The following RHOBTB1 variants were observed in gnomAD, a reference collection of about 807,000 sequenced individuals.
RHOBTB1 encodes the protein rho-related BTB domain-containing protein 1.
A neutral mutation model predicts 71.6 loss-of-function variants in RHOBTB1; 40 were observed. The observed-to-expected ratio is 0.56, with a 90% confidence interval of 0.43 to 0.73. The LOEUF (loss-of-function observed/expected upper bound fraction) is 0.73. RHOBTB1 is among the 30% of genes least tolerant of loss of function. The pLI, the probability that RHOBTB1 is intolerant of heterozygous loss-of-function variation, is 0.00. For missense variants in RHOBTB1, 797 were observed against 894.0 expected (o/e 0.89, Z 1.38); for synonymous variants, 319 against 334.9 (o/e 0.95, Z 0.52).
chr10:60,871,463 G>GTTTTTTTTT lies in RHOBTB1; in HGVS notation c.*18_*19insAAAAAAAAA. 1 of 1,604,960 alleles carries GTTTTTTTTT rather than the reference G, an allele frequency of 6.2e-7. No individual in the cohort carries two copies. The highest frequency in any genetic ancestry group is 1.3e-5 in the African/African-American group (1 of 74,192). Reference sequence around the variant, plus strand: ...GATTACCGATTGGTTTCTGTTTTTTGTTTTTTTTCTCTTCCTCTTCAGGCC... The same window carrying GTTTTTTTTT: ...GATTACCGATTGGTTTCTGTTTTTTGTTTTTTTTTTTTTTTTTCTCTTCCTCTTCAGGCC... On this transcript the variant is annotated 3_prime_UTR_variant, in exon 11 of 11. Transcript: ENST00000337910.
chr10:60,941,419 G>T (rs1485168599), intron 2 of RHOBTB1, among the ~76,000 whole-genome samples: 1 of 151,910 alleles, frequency 6.6e-6, no homozygotes, highest in Non-Finnish European at 1.5e-5. Flanking sequence ...CGTGATTCAT[G>T]CTCAATAAGT....
intron 2 of RHOBTB1, among the ~76,000 whole-genome samples, chr10:60,934,925 C>T (rs2084484451): frequency 1.3e-5 from 2 of 152,114 alleles, no homozygotes; most frequent in African/African-American, 4.8e-5. Flanking sequence ...CAGCCGTGGG[C>T]ATGTTATATG....
chr10:60,901,290 A>C (rs1465017203), intron 4 of RHOBTB1, among the ~76,000 whole-genome samples: 1 of 152,224 alleles, frequency 6.6e-6, no homozygotes, highest in African/African-American at 2.4e-5. Flanking sequence ...TTGAAAGTCT[A>C]ATCATGGCAA....
At chr10:60,861,522 T>C in the RHOBTB1 span, among the ~76,000 whole-genome samples, 2 of 152,150 alleles carry the variant, frequency 1.3e-5, no homozygotes, top group African/African-American at 4.8e-5. Context: ...GGAATCTACC[T>C]CTTAATCTTT....
downstream of RHOBTB1, among the ~76,000 whole-genome samples, chr10:60,865,911 A>G (rs1028955379): frequency 6.6e-6 from 1 of 152,156 alleles, no homozygotes; most frequent in African/African-American, 2.4e-5. Flanking sequence ...GGCTTACTGC[A>G]ACCTCTGCCT....
At chr10:60,997,237 C>G (rs1431396809) in intron 1 of RHOBTB1, among the ~76,000 whole-genome samples, 2 of 152,072 alleles carry the variant, frequency 1.3e-5, no homozygotes, top group African/African-American at 4.8e-5. Flanking sequence ...TAGGAAGAAT[C>G]TGGGGAAATT....
At chr10:60,926,604 A>G (rs2133865760) in intron 2 of RHOBTB1, among the ~76,000 whole-genome samples, 1 of 152,360 alleles carries the variant, frequency 6.6e-6, no homozygotes, top group South Asian at 2.1e-4. Context: ...GTGACACATC[A>G]TCTGAACAGA....
At chr10:60,946,171 C>T (rs1034172657), upstream of RHOBTB1, among the ~76,000 whole-genome samples, 1 of 134,548 alleles carries the variant, frequency 7.4e-6, no homozygotes, top group Non-Finnish European at 1.6e-5. Flanking sequence ...GAGCAAGACT[C>T]CTTCTCAGAA....
At chr10:60,898,447 G>A (rs994596098) in intron 4 of RHOBTB1, among the ~76,000 whole-genome samples, 6 of 152,206 alleles carry the variant, frequency 3.9e-5, no homozygotes, top group African/African-American at 1.4e-4. Context: ...TGTGTAACAC[G>A]TGGCTTTGGA....
chr10:60,927,015 A>T (rs2083923017), intron 2 of RHOBTB1, among the ~76,000 whole-genome samples: 4 of 152,252 alleles, frequency 2.6e-5, no homozygotes, highest in African/African-American at 9.6e-5. Flanking sequence ...ACTGATAAAT[A>T]GTAAAGTTTC....
At chr10:60,898,128 AT>A (rs964555011) in intron 4 of RHOBTB1, among the ~76,000 whole-genome samples, 8 of 152,116 alleles carry the variant, frequency 5.3e-5, no homozygotes, top group Non-Finnish European at 1.2e-4. Flanking sequence ...ATTATTACTT[AT>A]TTTTTTAGGA....
chr10:60,949,051 A>T (rs1394192560), upstream of RHOBTB1, among the ~76,000 whole-genome samples: 1 of 152,210 alleles, frequency 6.6e-6, no homozygotes, highest in African/African-American at 2.4e-5. Flanking sequence ...TAGTGATGAC[A>T]AACAGGAAAG....
intron 2 of RHOBTB1, among the ~76,000 whole-genome samples, chr10:60,965,539 T>C (rs773765150): frequency 2.6e-5 from 4 of 152,106 alleles, no homozygotes; most frequent in Non-Finnish European, 4.4e-5. Context: ...TACATATTTG[T>C]AAGAGAATTA....
chr10:60,996,283 CT>C (rs920279430), intron 1 of RHOBTB1, among the ~76,000 whole-genome samples: 2 of 152,130 alleles, frequency 1.3e-5, no homozygotes, highest in East Asian at 1.9e-4. Context: ...CAATCCAGTT[CT>C]TTTTTTTACC....
chr10:60,980,356 A>G (rs2086456419), intron 2 of RHOBTB1, among the ~76,000 whole-genome samples: 1 of 152,216 alleles, frequency 6.6e-6, no homozygotes, highest in Non-Finnish European at 1.5e-5. Flanking sequence ...ATTTTTGACT[A>G]AGGTTATGAA....
intron 2 of RHOBTB1, among the ~76,000 whole-genome samples, chr10:60,964,029 T>C (rs2085873444): frequency 6.6e-6 from 1 of 152,008 alleles, no homozygotes; most frequent in African/African-American, 2.4e-5. Flanking sequence ...ACCCCCAAAT[T>C]CATGAAAAAT....
chr10:60,865,013 T>A (rs905813847), downstream of RHOBTB1, among the ~76,000 whole-genome samples: 6 of 152,126 alleles, frequency 3.9e-5, no homozygotes, highest in Non-Finnish European at 5.9e-5. Flanking sequence ...TTAAAAGAAA[T>A]CTCAGGTGTA....
chr10:60,934,066 G>A (rs1279266353), intron 2 of RHOBTB1, among the ~76,000 whole-genome samples: 1 of 151,908 alleles, frequency 6.6e-6, no homozygotes, highest in African/African-American at 2.4e-5. Context: ...TAGTGAACAT[G>A]TGTTCTTTGT....
intron 7 of RHOBTB1, among the ~76,000 whole-genome samples, chr10:60,883,469 C>T (rs1010568854): frequency 3.9e-5 from 6 of 152,186 alleles, no homozygotes; most frequent in African/African-American, 1.4e-4. Context: ...GACAGTGTCC[C>T]TTTGTGCCTG....
Sources: allele counts gnomAD v4.1 joint callset (sites outside exome capture counted in the v4.1 genomes callset), GRCh38; gene constraint gnomAD v4.1.1; transcripts MANE v1.5; gene names NCBI Gene and HGNC (gene_info 2026-07-23, HGNC 2026-07-21).